The following SHISA9 variants were observed in gnomAD, a reference collection of about 807,000 sequenced individuals.
SHISA9 encodes shisa family member 9.
Under a neutral mutation model 38.0 loss-of-function variants are expected in SHISA9, and 13 were observed. The ratio of observed to expected loss-of-function variants is 0.34; its 90% CI spans 0.22 to 0.54. The LOEUF (loss-of-function observed/expected upper bound fraction) is 0.54. Ranked by LOEUF, SHISA9 falls within the 20% of genes least tolerant of loss-of-function variation. The pLI is 0.91. For missense variants in SHISA9, 538 were observed against 575.8 expected, an observed-to-expected ratio of 0.93 and a Z score of 0.67; for synonymous variants, 275 against 242.0, an observed-to-expected ratio of 1.14 and a Z score of -1.27.
At chr16:13,178,483 C>A (rs908823914) in intron 2 of SHISA9, among the ~76,000 whole-genome samples, 1 of 152,158 alleles carries the variant, frequency 6.6e-6, no homozygotes, top group African/African-American at 2.4e-5. Flanking sequence ...AAGCTCCCGA[C>A]ACAGCAGATG....
At chr16:13,032,530 ACT>A (rs2073004316) in intron 2 of SHISA9, among the ~76,000 whole-genome samples, 1 of 151,908 alleles carries the variant, frequency 6.6e-6, no homozygotes, top group Non-Finnish European at 1.5e-5. Context: ...TTCCCCATAA[ACT>A]CTGTAGTTTT....
At chr16:13,353,835 A>C in the SHISA9 span, among the ~76,000 whole-genome samples, 1 of 152,184 alleles carries the variant, frequency 6.6e-6, no homozygotes, top group East Asian at 1.9e-4. Flanking sequence ...CGTAAGGGAT[A>C]TAAAGGTTTC....
At chr16:13,395,777 C>T in the SHISA9 span, among the ~76,000 whole-genome samples, 1 of 152,152 alleles carries the variant, frequency 6.6e-6, no homozygotes, top group African/African-American at 2.4e-5. Context: ...GAGTGCTTGA[C>T]TTTTAGGTGC....
At chr16:13,296,872 C>A in the SHISA9 span, among the ~76,000 whole-genome samples, 1 of 87,364 alleles carries the variant, frequency 1.1e-5, no homozygotes, top group African/African-American at 4.6e-5. Flanking sequence ...GCCTAGGTGA[C>A]AAGAGGGAAA....
intron 2 of SHISA9, among the ~76,000 whole-genome samples, chr16:13,092,619 C>G (rs987415865): frequency 6.6e-6 from 1 of 152,248 alleles, no homozygotes; most frequent in African/African-American, 2.4e-5. Context: ...GGCATGGGAC[C>G]TGCCAAGCCA....
chr16:13,059,493 C>T (rs996632343), intron 2 of SHISA9, among the ~76,000 whole-genome samples: 2 of 151,996 alleles, frequency 1.3e-5, no homozygotes, highest in African/African-American at 2.4e-5. Flanking sequence ...GGGTGGGGGA[C>T]ATCACATACT....
At chr16:13,101,128 G>A (rs2073875105) in intron 2 of SHISA9, among the ~76,000 whole-genome samples, 1 of 152,190 alleles carries the variant, frequency 6.6e-6, no homozygotes, top group Non-Finnish European at 1.5e-5. Flanking sequence ...GGAGAGGGAA[G>A]TGGGGAGATA....
chr16:13,544,417 T>G, the SHISA9 span, among the ~76,000 whole-genome samples: 2 of 98,154 alleles, frequency 2.0e-5, no homozygotes, highest in African/African-American at 4.6e-5. Flanking sequence ...TTTTCGGGTT[T>G]TTTTTTTTCT....
At chr16:13,332,952 C>T in the SHISA9 span, among the ~76,000 whole-genome samples, 1 of 152,162 alleles carries the variant, frequency 6.6e-6, no homozygotes, top group African/African-American at 2.4e-5. Flanking sequence ...GCTGGTCTGT[C>T]CTCTTTTGAT....
At position 12,901,730 on chromosome 16, in the gene SHISA9, C is replaced by T. The variant is rs1332574207; in HGVS notation, c.-335C>T. The T allele has an allele frequency of 1.3e-5, 2 of 150,308 alleles. No individual in the cohort carries two copies. The highest frequency in any genetic ancestry group is 2.4e-5 in the African/African-American group (1 of 40,910). The allele number at this position is 150,308 out of a possible 1,614,324, so 9.3% of individuals were successfully genotyped here. On this transcript the variant is annotated 5_prime_UTR_variant, in exon 1 of 5. Transcript: ENST00000558583. ...GCTAGGCGCTGCCAGCCCGATTCTC[C>T]TCTGCTCTCCACCCCCGCCTCACCC... is the stretch of plus-strand genomic sequence containing the variant.
chr16:13,014,293 A>G (rs867578001), intron 2 of SHISA9, among the ~76,000 whole-genome samples: 7 of 152,160 alleles, frequency 4.6e-5, no homozygotes, highest in African/African-American at 1.7e-4. Context: ...CAGCTTCAGG[A>G]CTCACTGGAG....
At chr16:13,026,373 T>A (rs986752965) in intron 2 of SHISA9, among the ~76,000 whole-genome samples, 1 of 152,228 alleles carries the variant, frequency 6.6e-6, no homozygotes, top group African/African-American at 2.4e-5. Context: ...TGTCCTCAAG[T>A]CTTATCTATG....
chr16:13,413,688 C>T, the SHISA9 span, among the ~76,000 whole-genome samples: 3 of 124,178 alleles, frequency 2.4e-5, no homozygotes, highest in African/African-American at 9.2e-5. Context: ...ACCTGGAAGG[C>T]GAAGGTTTGC....
chr16:13,236,511 G>T lies in SHISA9; in HGVS notation c.*1102G>T, dbSNP rs2051386212. 1 of 152,256 alleles carries T rather than the reference G, an allele frequency of 6.6e-6. No homozygotes were observed. Among genetic ancestry groups the T allele is most frequent in the Non-Finnish European group, 1.5e-5 (1 of 68,058 alleles). 9.4% of individuals were successfully genotyped at this position (152,256 alleles called of 1,614,324 possible). A position where few individuals can be genotyped will look rare whatever the true frequency, so the allele number is the denominator to read the frequency against. On this transcript the variant is annotated 3_prime_UTR_variant, in exon 5 of 5. Coordinates refer to ENST00000558583, the MANE Select transcript of SHISA9 (RefSeq NM_001145204.3). ...CCTTCAGCGCGTTGCCGCCGCCGCT[G>T]CCAAACTTCAACTGCTTTGGACTGA... is the stretch of plus-strand genomic sequence containing the variant.
chr16:13,390,051 T>A, the SHISA9 span, among the ~76,000 whole-genome samples: 1 of 152,052 alleles, frequency 6.6e-6, no homozygotes, highest in South Asian at 2.1e-4. Flanking sequence ...GAAAAGAAAA[T>A]CAGAATGCTT....
chr16:13,384,745 A>G, the SHISA9 span, among the ~76,000 whole-genome samples: 1 of 152,232 alleles, frequency 6.6e-6, no homozygotes, highest in African/African-American at 2.4e-5. Context: ...TGCTAGACAC[A>G]AACACAAAGA....
chr16:13,198,590 G>T (rs919664425), intron 2 of SHISA9, among the ~76,000 whole-genome samples: 34 of 150,814 alleles, frequency 2.3e-4, no homozygotes, highest in Non-Finnish European at 4.3e-4. Flanking sequence ...ATTTTTTTTT[G>T]TTTCTCCTCC....
At chr16:13,166,657 G>A (rs1192160608) in intron 2 of SHISA9, among the ~76,000 whole-genome samples, 10 of 152,098 alleles carry the variant, frequency 6.6e-5, no homozygotes, top group Non-Finnish European at 1.2e-4. Flanking sequence ...TTTGTCTACG[G>A]TGTGCCCCTA....
the SHISA9 span, among the ~76,000 whole-genome samples, chr16:13,421,694 T>C: frequency 2.0e-5 from 3 of 152,338 alleles, no homozygotes; most frequent in African/African-American, 7.2e-5. Context: ...ATTTATGTCA[T>C]TTTGTTGTAC....
Sources: gnomAD v4.1 joint callset for allele counts (sites outside exome capture counted in the v4.1 genomes callset) on GRCh38, gnomAD v4.1.1 for gene constraint, MANE v1.5 for transcripts, NCBI Gene and HGNC (gene_info 2026-07-23, HGNC 2026-07-21) for gene names.